Variants in IMPG2 observed in about 807,000 individuals in gnomAD.
IMPG2 encodes the protein interphotoreceptor matrix proteoglycan 2.
Under a neutral mutation model 129.2 loss-of-function variants are expected in IMPG2, and 91 were observed. That is an observed-to-expected ratio of 0.70 (90% confidence interval 0.59 to 0.84). The LOEUF (loss-of-function observed/expected upper bound fraction) is 0.84, where lower values mean the gene tolerates loss of function less well. Ranked by LOEUF, IMPG2 falls within the 40% of genes least tolerant of loss-of-function variation. IMPG2 has a pLI of 0.00. For synonymous variants in IMPG2, 510 were observed against 517.7 expected (o/e 0.99, Z 0.20); for missense variants, 1,430 against 1,461.7 (o/e 0.98, Z 0.35).
At chr3:101,296,813 G>T (rs938708600) in intron 3 of IMPG2, among the ~76,000 whole-genome samples, 12 of 152,138 alleles carry the variant, frequency 7.9e-5, no homozygotes, top group African/African-American at 2.9e-4. Context: ...TCTTGGGAGG[G>T]TGTATGTGTC....
intron 3 of IMPG2, among the ~76,000 whole-genome samples, chr3:101,295,453 C>T (rs946568620): frequency 6.6e-6 from 1 of 152,160 alleles, no homozygotes; most frequent in Admixed American, 6.5e-5. Flanking sequence ...GTTTTGGCAC[C>T]AGTACCGTGC....
At chr3:101,236,514 T>C (rs1279802579) in intron 14 of IMPG2, among the ~76,000 whole-genome samples, 1 of 151,886 alleles carries the variant, frequency 6.6e-6, no homozygotes, top group East Asian at 1.9e-4. Context: ...CTCATCTCAT[T>C]GGGACTGATT....
chr3:101,263,279 A>G (rs569122366), intron 9 of IMPG2, among the ~76,000 whole-genome samples: 10 of 152,176 alleles, frequency 6.6e-5, no homozygotes, highest in Admixed American at 3.3e-4. Flanking sequence ...AGCACATGGA[A>G]TATTTTCCAT....
chr3:101,253,355 T>C (rs1346512661), intron 11 of IMPG2, among the ~76,000 whole-genome samples: 1 of 152,164 alleles, frequency 6.6e-6, no homozygotes, highest in African/African-American at 2.4e-5. Context: ...CAATTTATCA[T>C]GTTGGCTATA....
chr3:101,288,501 C>T (rs1380417763), intron 4 of IMPG2, among the ~76,000 whole-genome samples: 1 of 152,092 alleles, frequency 6.6e-6, no homozygotes, highest in Admixed American at 6.5e-5. Flanking sequence ...ACATATACAC[C>T]ATGGAATACT....
intron 7 of IMPG2, among the ~76,000 whole-genome samples, chr3:101,270,802 T>A (rs943055795): frequency 2.0e-5 from 3 of 151,860 alleles, no homozygotes; most frequent in African/African-American, 7.3e-5. Context: ...TCAAAAAAAA[T>A]AATAATAATC....
chr3:101,239,861 T>G lies in IMPG2; in HGVS notation c.3022+2827A>C, dbSNP rs190725366. The stretch of plus-strand genomic sequence containing the variant: ...GCATGTTCTCACTCATAAGTGGAAG[T>G]TGAACAATGAGAACATATGGACACA... On this transcript the variant is annotated intron_variant, in intron 14 of 18. Coordinates refer to ENST00000193391, the MANE Select transcript of IMPG2 (RefSeq NM_016247.4). 5.8e-4 allele frequency among the ~76,000 whole-genome samples: 88 copies of G among 152,210 alleles called. No individual in the cohort carries two copies. In the East Asian group the frequency reaches 0.017, roughly 29 times the overall value.
At chr3:101,241,692 G>A (rs947945971) in intron 14 of IMPG2, among the ~76,000 whole-genome samples, 1 of 152,112 alleles carries the variant, frequency 6.6e-6, no homozygotes, top group African/African-American at 2.4e-5. Context: ...TAAGTTTGGT[G>A]AGTGACTAAA....
intron 3 of IMPG2, among the ~76,000 whole-genome samples, chr3:101,293,605 C>A (rs1210679716): frequency 6.6e-6 from 1 of 152,202 alleles, no homozygotes; most frequent in Non-Finnish European, 1.5e-5. Flanking sequence ...TATCCCATAA[C>A]AAGAAATTCA....
intron 4 of IMPG2, among the ~76,000 whole-genome samples, chr3:101,283,540 A>T (rs1288317907): frequency 1.3e-5 from 2 of 152,204 alleles, no homozygotes; most frequent in Admixed American, 6.5e-5. Flanking sequence ...TGTTTGTTCT[A>T]AGACTCTTTC....
At chr3:101,278,816 C>A (rs891378814) in intron 4 of IMPG2, among the ~76,000 whole-genome samples, 2 of 151,920 alleles carry the variant, frequency 1.3e-5, no homozygotes, top group Non-Finnish European at 2.9e-5. Flanking sequence ...ATTTAGAGCA[C>A]ATTTGCATAA....
At position 101,231,090 on chromosome 3, in the gene IMPG2, A is replaced by G. The variant is rs1473665989; in HGVS notation, c.3289T>C (p.Ser1097Pro). ...YRGKHCEEFV[S>P]EPVIIGITIA... ...GTGATGCCTATGATCACGGGCTCAGACACAAATTCCTCACAGTGCTTGCCT... is the reference window on the plus strand; with the variant it reads ...GTGATGCCTATGATCACGGGCTCAGGCACAAATTCCTCACAGTGCTTGCCT... The change falls in exon 16 of 19, where the codon TCT becomes CCT. Residue 1097 changes from serine (S) to proline (P), a missense_variant. Physicochemically the swap from Ser to Pro is moderately conservative, Grantham distance 74. Coordinates refer to ENST00000193391, the MANE Select transcript of IMPG2 (RefSeq NM_016247.4). 2 of 1,614,024 alleles carry G rather than the reference A, an allele frequency of 1.2e-6. No homozygotes were observed. The highest frequency in any genetic ancestry group is 1.7e-6 in the Non-Finnish European group (2 of 1,180,014).
In IMPG2 at chr3:101,228,970, C is replaced by T. The variant is rs72930558; in HGVS notation, c.3634-94G>A. On this transcript the variant is annotated intron_variant, in intron 17 of 18. Transcript: ENST00000193391. ...TTCTAATTTTCATAAGGAATTGTTA[C>T]ATTCTGGGCTATTCAGAAGTATGCT... is the stretch of plus-strand genomic sequence containing the variant. 543 of 911,100 alleles carry T rather than the reference C, an allele frequency of 6.0e-4. 1 individual carries two copies. In the African/African-American group the frequency reaches 7.7e-3, roughly 13 times the overall value. 56.4% of individuals were successfully genotyped at this position (911,100 alleles called of 1,614,324 possible).
chr3:101,298,911 G>A (rs559238141), intron 3 of IMPG2, among the ~76,000 whole-genome samples: 17 of 152,238 alleles, frequency 1.1e-4, no homozygotes, highest in Admixed American at 4.6e-4. Context: ...ATCTTAGAGT[G>A]TTCTCTGTAT....
chr3:101,229,304 C>CCCCCCCCCCCCCCCCCCT, intron 17 of IMPG2, 76 bp downstream of exon 17: 1 of 875,158 alleles, frequency 1.1e-6, no homozygotes, highest in Non-Finnish European at 1.9e-6. Flanking sequence ...ATACACACCC[C>CCCCCCCCCCCCCCCCCCT]CACCCACCAC....
At chr3:101,228,738 A>T in intron 18 of IMPG2, 59 bp downstream of exon 18, 2 of 1,260,368 alleles carry the variant, frequency 1.6e-6, no homozygotes, top group Non-Finnish European at 2.3e-6. Context: ...GTGTGACATT[A>T]CTCTAGAGTA....
intron 2 of IMPG2, among the ~76,000 whole-genome samples, chr3:101,313,309 G>C (rs2058765360): frequency 6.6e-6 from 1 of 152,104 alleles, no homozygotes; most frequent in Non-Finnish European, 1.5e-5. Context: ...GCAGAAGAGA[G>C]AAGAGCAAAA....
intron 10 of IMPG2, among the ~76,000 whole-genome samples, 157 bp from the exon 11 acceptor site, chr3:101,253,938 A>G (rs1706571900): frequency 6.6e-6 from 1 of 152,154 alleles, no homozygotes. Flanking sequence ...TACTTTATTC[A>G]GATATTTTAT....
chr3:101,297,838 A>G (rs914661490), intron 3 of IMPG2, among the ~76,000 whole-genome samples: 2 of 152,218 alleles, frequency 1.3e-5, no homozygotes, highest in African/African-American at 4.8e-5. Flanking sequence ...CAATTTTAGA[A>G]CAAGTGCCAT....
Sources: gnomAD v4.1 joint callset for allele counts (sites outside exome capture counted in the v4.1 genomes callset) on GRCh38, gnomAD v4.1.1 for gene constraint, MANE v1.5 for transcripts, NCBI Gene and HGNC (gene_info 2026-07-23, HGNC 2026-07-21) for gene names.